The following TLE4 variants were observed in gnomAD, a reference collection of about 807,000 sequenced individuals.
TLE4 encodes TLE family member 4, transcriptional corepressor, also known as transducin-like enhancer protein 4.
Under a neutral mutation model 92.8 loss-of-function variants are expected in TLE4, and 8 were observed. That is an observed-to-expected ratio of 0.09 (90% CI 0.05 to 0.16). TLE4 has a LOEUF of 0.16. Ranked by LOEUF, TLE4 falls within the 10% of genes least tolerant of loss-of-function variation. The pLI is 1.00. For missense variants in TLE4, 675 were observed against 997.6 expected (o/e 0.68, Z 4.36); for synonymous variants, 371 against 374.1 (o/e 0.99, Z 0.10).
chr9:79,584,318 C>G (rs1280972402), intron 4 of TLE4, among the ~76,000 whole-genome samples: 1 of 152,208 alleles, frequency 6.6e-6, no homozygotes, highest in Admixed American at 6.5e-5. Flanking sequence ...GCTCCTCCCT[C>G]CCCTCCCTTC....
At chr9:79,658,777 T>C (rs1587918860) in intron 8 of TLE4, among the ~76,000 whole-genome samples, 1 of 152,156 alleles carries the variant, frequency 6.6e-6, no homozygotes, top group East Asian at 1.9e-4. Flanking sequence ...GAAGTACATA[T>C]TGTAAAAAGG....
At chr9:79,682,096 C>T (rs545109843) in intron 8 of TLE4, among the ~76,000 whole-genome samples, 1 of 151,746 alleles carries the variant, frequency 6.6e-6, no homozygotes, top group Admixed American at 6.6e-5. Flanking sequence ...CTGGAAGCAT[C>T]CTATTTTGTG....
At chr9:79,671,339 G>C (rs2062304228) in intron 8 of TLE4, 1 of 448,312 alleles carries the variant, frequency 2.2e-6, no homozygotes, top group South Asian at 1.6e-5. Flanking sequence ...GCTTCTACTG[G>C]TAGGAAAAGC....
intron 5 of TLE4, among the ~76,000 whole-genome samples, chr9:79,624,630 C>T (rs2051999650): frequency 6.6e-6 from 1 of 152,206 alleles, no homozygotes; most frequent in African/African-American, 2.4e-5. Flanking sequence ...AGAGTTATGG[C>T]TCACTGGTGT....
At chr9:79,614,908 A>G (rs1351965916) in intron 5 of TLE4, among the ~76,000 whole-genome samples, 1 of 152,142 alleles carries the variant, frequency 6.6e-6, no homozygotes, top group Non-Finnish European at 1.5e-5. Flanking sequence ...GGAAGCCAAA[A>G]GATTGGACAC....
chr9:79,716,792 G>A (rs75933042), intron 14 of TLE4, among the ~76,000 whole-genome samples: 1,862 of 152,260 alleles, frequency 0.012, 56 homozygotes, highest in African/African-American at 0.042. Flanking sequence ...CTGACATTTT[G>A]ATAGTTACTT....
At chr9:79,589,795 C>T (rs774831090) in intron 4 of TLE4, among the ~76,000 whole-genome samples, 3 of 152,280 alleles carry the variant, frequency 2.0e-5, no homozygotes, top group South Asian at 2.1e-4. Context: ...GAGAATTCAA[C>T]GTGACGTTTC....
chr9:79,719,963 A>G (rs952691438), intron 15 of TLE4, 83 bp from the exon 16 acceptor site: 2 of 1,512,756 alleles, frequency 1.3e-6, no homozygotes, highest in African/African-American at 1.4e-5. Flanking sequence ...AGGGAACACA[A>G]TACTTTTATG....
In TLE4 at chr9:79,572,670, G is replaced by T. The variant is rs1432116427; in HGVS notation, c.-121G>T. 8.6e-6 allele frequency: 8 copies of T among 927,598 alleles called. No individual in the cohort carries two copies. The highest frequency in any genetic ancestry group is 1.3e-5 in the Non-Finnish European group (8 of 634,994). 57.5% of individuals were successfully genotyped at this position (927,598 alleles called of 1,614,324 possible). On this transcript the variant is annotated 5_prime_UTR_variant, in exon 1 of 20. Transcript: ENST00000376552. ...GCGAGACCCGGCGGGGGCCGGGACCGCCCGAGCCGCCCCTCAGACCGAGCC... is the reference window on the plus strand; with the variant it reads ...GCGAGACCCGGCGGGGGCCGGGACCTCCCGAGCCGCCCCTCAGACCGAGCC...
At chr9:79,653,665 T>C (rs2059350771) in intron 7 of TLE4, among the ~76,000 whole-genome samples, 1 of 152,184 alleles carries the variant, frequency 6.6e-6, no homozygotes, top group Admixed American at 6.5e-5. Context: ...TTACTGTGAA[T>C]TATAATATTA....
intron 4 of TLE4, among the ~76,000 whole-genome samples, chr9:79,606,187 G>GTTGTT (rs2046834923): frequency 3.8e-4 from 11 of 28,674 alleles, no homozygotes; most frequent in Non-Finnish European, 5.8e-4. Context: ...AGTAGTAGTT[G>GTTGTT]TTTTTTTTTT....
intron 6 of TLE4, among the ~76,000 whole-genome samples, chr9:79,651,031 A>C (rs1279443360): frequency 1.0e-4 from 14 of 138,830 alleles, no homozygotes; most frequent in South Asian, 2.3e-4. Context: ...GGAATGATCG[A>C]TCTCTCTCTC....
intron 2 of TLE4, 152 bp downstream of exon 2, chr9:79,573,938 C>G (rs1032397875): frequency 1.6e-5 from 7 of 441,934 alleles, no homozygotes; most frequent in Non-Finnish European, 2.0e-5. Flanking sequence ...AAATCAAGGC[C>G]TCCTTCCTTA....
At chr9:79,582,875 G>T (rs2040058138) in intron 4 of TLE4, among the ~76,000 whole-genome samples, 1 of 152,166 alleles carries the variant, frequency 6.6e-6, no homozygotes, top group African/African-American at 2.4e-5. Flanking sequence ...TGGGCTGTTG[G>T]AGAGAAGCAG....
intron 8 of TLE4, among the ~76,000 whole-genome samples, chr9:79,688,139 AG>A (rs111903206): frequency 3.7e-4 from 56 of 152,314 alleles, no homozygotes; most frequent in African/African-American, 1.3e-3. Context: ...TGTCTACCAA[AG>A]GAAAGGTCAC....
At chr9:79,679,816 G>GT (rs1206774053) in intron 8 of TLE4, among the ~76,000 whole-genome samples, 1 of 152,086 alleles carries the variant, frequency 6.6e-6, no homozygotes, top group Non-Finnish European at 1.5e-5. Flanking sequence ...AAGGGATCCA[G>GT]TTTCAGCTTT....
intron 8 of TLE4, among the ~76,000 whole-genome samples, chr9:79,668,423 G>A (rs900336831): frequency 6.6e-6 from 1 of 152,158 alleles, no homozygotes; most frequent in African/African-American, 2.4e-5. Flanking sequence ...GAAGTGGAAG[G>A]TGTATTCGGT....
intron 1 of TLE4, chr9:79,573,166 G>T: frequency 2.3e-6 from 2 of 874,066 alleles, no homozygotes; most frequent in Non-Finnish European, 2.8e-6. Flanking sequence ...CCGCGCCCGG[G>T]CGGGGAGGGC....
At position 79,572,908 on chromosome 9, in the gene TLE4, T is replaced by C. The variant is rs2036220599; in HGVS notation, c.45+73T>C. 3 of 1,501,186 alleles carry C rather than the reference T, an allele frequency of 2.0e-6. No homozygotes were observed. The East Asian group carries it at 7.8e-5, about 39-fold the overall frequency. The allele number at this position is 1,501,186 out of a possible 1,614,324, so 93.0% of individuals were successfully genotyped here. ...CCCGCGTCGCCCCCTGCGCACCGAG[T>C]TGTGTCTTTTGGCCGGAGGGGCGTG... On this transcript the variant is annotated intron_variant, in intron 1 of 19. Coordinates refer to ENST00000376552, the MANE Select transcript of TLE4 (RefSeq NM_007005.6).
Sources: gnomAD v4.1 joint callset for allele counts (sites outside exome capture counted in the v4.1 genomes callset) on GRCh38, gnomAD v4.1.1 for gene constraint, MANE v1.5 for transcripts, NCBI Gene and HGNC (gene_info 2026-07-23, HGNC 2026-07-21) for gene names.